Variants in PID1 observed in about 807,000 individuals in gnomAD.
PID1 encodes the protein phosphotyrosine interaction domain containing 1.
Under a neutral mutation model 19.1 loss-of-function variants are expected in PID1, and 10 were observed. The ratio of observed to expected loss-of-function variants is 0.52; its 90% CI spans 0.32 to 0.89. PID1 has a LOEUF of 0.89. PID1 is among the 40% of genes least tolerant of loss of function. The pLI is 0.03. For synonymous variants in PID1, 130 were observed against 116.0 expected, an observed-to-expected ratio of 1.12 and a Z score of -0.78; for missense variants, 248 against 285.3, an observed-to-expected ratio of 0.87 and a Z score of 0.94.
intron 1 of PID1, among the ~76,000 whole-genome samples, chr2:229,217,226 T>C (rs982240372): frequency 4.6e-5 from 7 of 152,216 alleles, no homozygotes; most frequent in African/African-American, 1.7e-4. Flanking sequence ...GAACACTCCA[T>C]CAAAATGAAA....
At chr2:229,190,278 A>C (rs1280982242) in intron 1 of PID1, among the ~76,000 whole-genome samples, 1 of 152,262 alleles carries the variant, frequency 6.6e-6, no homozygotes, top group Non-Finnish European at 1.5e-5. Flanking sequence ...AAAATTGTGG[A>C]GATGGCATAA....
chr2:229,208,768 A>G (rs1027520329), intron 1 of PID1, among the ~76,000 whole-genome samples: 1 of 152,172 alleles, frequency 6.6e-6, no homozygotes, highest in African/African-American at 2.4e-5. Flanking sequence ...GTATAATGAG[A>G]GAGGGACGGA....
intron 1 of PID1, among the ~76,000 whole-genome samples, chr2:229,265,401 A>T (rs760596131): frequency 5.9e-5 from 9 of 152,234 alleles, no homozygotes; most frequent in Non-Finnish European, 1.3e-4. Context: ...TTTCCCTGAC[A>T]CCTTCCTTTT....
chr2:229,166,033 G>A (rs1574684108), intron 1 of PID1, among the ~76,000 whole-genome samples: 1 of 152,286 alleles, frequency 6.6e-6, no homozygotes, highest in East Asian at 1.9e-4. Flanking sequence ...GCTCACAGTA[G>A]CTATATTTTT....
rs1205665568 is a variant in PID1 at position 229,143,317 on chromosome 2, GCA to G, written c.177+12499_177+12500del. ...CATATGTAACTAACCTGCACATTGT[GCA>G]CATGTACCCTAAAACTTAAAGTATA... On this transcript the variant is annotated intron_variant, in intron 2 of 2. Coordinates refer to ENST00000392055, the MANE Select transcript of PID1 (RefSeq NM_001100818.2). Among the ~76,000 whole-genome samples the G allele has an allele frequency of 2.4e-3, 367 of 151,700 alleles. 2 individuals are homozygous for G. The highest frequency in any genetic ancestry group is 8.4e-3 in the African/African-American group (346 of 41,310).
intron 2 of PID1, among the ~76,000 whole-genome samples, chr2:229,070,431 CAT>C (rs1326960164): frequency 6.6e-6 from 1 of 152,170 alleles, no homozygotes; most frequent in Admixed American, 6.5e-5. Flanking sequence ...CAATATGATT[CAT>C]AGAGGAAGTA....
At chr2:229,204,763 A>G (rs1001218485) in intron 1 of PID1, among the ~76,000 whole-genome samples, 2 of 152,086 alleles carry the variant, frequency 1.3e-5, no homozygotes, top group Non-Finnish European at 2.9e-5. Context: ...TGCTATAAAG[A>G]TCAAGTGAAT....
chr2:229,107,788 C>T (rs923562432), intron 2 of PID1, among the ~76,000 whole-genome samples: 18 of 152,178 alleles, frequency 1.2e-4, no homozygotes, highest in African/African-American at 2.7e-4. Context: ...TTCTATGGAA[C>T]GGCAGCATTG....
chr2:229,252,313 G>T (rs577649892), intron 1 of PID1, among the ~76,000 whole-genome samples: 1 of 152,294 alleles, frequency 6.6e-6, no homozygotes, highest in Non-Finnish European at 1.5e-5. Context: ...CACAGATGTG[G>T]TCACAAATAA....
At chr2:229,032,968 C>T (rs1194571910) in intron 2 of PID1, among the ~76,000 whole-genome samples, 1 of 152,186 alleles carries the variant, frequency 6.6e-6, no homozygotes, top group Non-Finnish European at 1.5e-5. Flanking sequence ...CTCAGAATCT[C>T]TCCTTCCAAC....
intron 2 of PID1, among the ~76,000 whole-genome samples, chr2:229,095,739 G>A (rs757008639): frequency 3.6e-4 from 54 of 152,074 alleles, no homozygotes; most frequent in Non-Finnish European, 6.0e-4. Flanking sequence ...AAATTAGACC[G>A]ATCAGTCATT....
At chr2:229,093,722 A>G (rs1280660131) in intron 2 of PID1, among the ~76,000 whole-genome samples, 1 of 151,572 alleles carries the variant, frequency 6.6e-6, no homozygotes, top group Admixed American at 6.6e-5. Context: ...CAATAGATGC[A>G]TAAAAGGCAT....
chr2:229,164,397 GAAT>G (rs923993839), intron 1 of PID1, among the ~76,000 whole-genome samples: 12 of 152,174 alleles, frequency 7.9e-5, no homozygotes, highest in Admixed American at 2.6e-4. Context: ...GTGAATGATA[GAAT>G]AATAATATAA....
chr2:229,080,144 T>C (rs1694641260), intron 2 of PID1, among the ~76,000 whole-genome samples: 1 of 152,170 alleles, frequency 6.6e-6, no homozygotes, highest in South Asian at 2.1e-4. Context: ...TGGGTAAAAC[T>C]TGTCTTCCAT....
chr2:229,099,008 A>T (rs1199357671), intron 2 of PID1, among the ~76,000 whole-genome samples: 1 of 152,206 alleles, frequency 6.6e-6, no homozygotes, highest in Non-Finnish European at 1.5e-5. Flanking sequence ...AAACAGTCAG[A>T]GGATCACGCC....
intron 2 of PID1, among the ~76,000 whole-genome samples, chr2:229,032,957 C>T (rs1369595301): frequency 6.6e-6 from 1 of 152,136 alleles, no homozygotes; most frequent in African/African-American, 2.4e-5. Flanking sequence ...AGAGCAGTGT[C>T]CTCAGAATCT....
intron 2 of PID1, among the ~76,000 whole-genome samples, chr2:229,033,160 C>T (rs1423300423): frequency 1.3e-5 from 2 of 152,170 alleles, no homozygotes; most frequent in Non-Finnish European, 2.9e-5. Context: ...TTGAACCTGA[C>T]TCACCTCACG....
At chr2:229,212,265 G>A (rs1031331026) in intron 1 of PID1, among the ~76,000 whole-genome samples, 7 of 152,142 alleles carry the variant, frequency 4.6e-5, no homozygotes, top group Non-Finnish European at 8.8e-5. Flanking sequence ...GTTTCTTCTG[G>A]AGAAATTTAT....
At chr2:229,058,656 T>C (rs1157830913) in intron 2 of PID1, among the ~76,000 whole-genome samples, 4 of 148,430 alleles carry the variant, frequency 2.7e-5, no homozygotes, top group African/African-American at 9.9e-5. Flanking sequence ...AGAAACTTGA[T>C]AAGAATGCTA....
Sources: gnomAD v4.1 joint callset for allele counts (sites outside exome capture counted in the v4.1 genomes callset) on GRCh38, gnomAD v4.1.1 for gene constraint, MANE v1.5 for transcripts, NCBI Gene and HGNC (gene_info 2026-07-23, HGNC 2026-07-21) for gene names.